Variants in ANKS1B observed in about 807,000 individuals in gnomAD.
ANKS1B encodes the protein ankyrin repeat and sterile alpha motif domain containing 1B.
ANKS1B carries 36 observed loss-of-function variants against 148.3 expected under a neutral mutation model. The observed-to-expected ratio is 0.24, with a 90% confidence interval of 0.19 to 0.32. The LOEUF (loss-of-function observed/expected upper bound fraction) is 0.32. Among genes scored for constraint, ANKS1B ranks in the 10% least tolerant of loss-of-function variants. The pLI is 1.00. For missense variants in ANKS1B, 1,157 were observed against 1,542.6 expected, an observed-to-expected ratio of 0.75 and a Z score of 4.19; for synonymous variants, 542 against 560.8, an observed-to-expected ratio of 0.97 and a Z score of 0.47.
At chr12:98,884,281 C>G (rs986266148) in intron 17 of ANKS1B, among the ~76,000 whole-genome samples, 3 of 152,130 alleles carry the variant, frequency 2.0e-5, no homozygotes, top group African/African-American at 7.2e-5. Context: ...AACCATTAAC[C>G]TGTTATTTTT....
intron 1 of ANKS1B, among the ~76,000 whole-genome samples, chr12:99,973,006 G>GCA (rs1387965425): frequency 1.3e-5 from 2 of 152,166 alleles, no homozygotes; most frequent in African/African-American, 4.8e-5. Flanking sequence ...TCTGTTTGTA[G>GCA]CATGGTTTAC....
chr12:99,366,486 T>C (rs1303380028), intron 12 of ANKS1B, among the ~76,000 whole-genome samples: 5 of 152,100 alleles, frequency 3.3e-5, no homozygotes, highest in African/African-American at 9.7e-5. Context: ...CAGTGTGGTA[T>C]TGGCCCATGA....
At chr12:99,016,526 C>T (rs530380685) in intron 17 of ANKS1B, among the ~76,000 whole-genome samples, 1 of 152,254 alleles carries the variant, frequency 6.6e-6, no homozygotes, top group South Asian at 2.1e-4. Flanking sequence ...CGTGGTGGCA[C>T]ATGCCTGTAA....
intron 8 of ANKS1B, among the ~76,000 whole-genome samples, chr12:99,655,414 G>T (rs2098445334): frequency 6.6e-6 from 1 of 151,966 alleles, no homozygotes; most frequent in Admixed American, 6.6e-5. Flanking sequence ...AACTAGGTGT[G>T]AAAGACTTAT....
intron 12 of ANKS1B, among the ~76,000 whole-genome samples, chr12:99,250,695 A>G (rs2074470954): frequency 1.0e-5 from 1 of 100,060 alleles, no homozygotes; most frequent in African/African-American, 5.7e-5. Context: ...TGATATATGA[A>G]AATATAAACT....
intron 8 of ANKS1B, among the ~76,000 whole-genome samples, chr12:99,665,943 C>T (rs563390504): frequency 1.3e-5 from 2 of 152,104 alleles, no homozygotes; most frequent in South Asian, 4.1e-4. Flanking sequence ...AAGATTTTTG[C>T]TTTTACATTT....
chr12:99,584,678 C>T (rs937548904), intron 9 of ANKS1B, among the ~76,000 whole-genome samples: 1 of 152,142 alleles, frequency 6.6e-6, no homozygotes, highest in Non-Finnish European at 1.5e-5. Flanking sequence ...GTCTAATTGA[C>T]TCACAGTTCC....
intron 10 of ANKS1B, among the ~76,000 whole-genome samples, chr12:99,460,263 C>A (rs904153654): frequency 1.3e-5 from 2 of 152,084 alleles, no homozygotes; most frequent in South Asian, 4.1e-4. Context: ...CAAAAATCAA[C>A]TCAAGATGGA....
intron 17 of ANKS1B, among the ~76,000 whole-genome samples, chr12:98,871,939 G>A (rs930291711): frequency 2.0e-5 from 3 of 152,090 alleles, no homozygotes; most frequent in South Asian, 2.1e-4. Flanking sequence ...AATGAGTGAC[G>A]AGCTCTATAA....
intron 23 of ANKS1B, chr12:98,781,527 T>C: frequency 4.5e-6 from 2 of 448,508 alleles, no homozygotes; most frequent in Non-Finnish European, 8.7e-6. Flanking sequence ...TGAAGAGGTC[T>C]GTCTCCTACT....
intron 14 of ANKS1B, among the ~76,000 whole-genome samples, chr12:99,173,679 T>TA (rs2078049718): frequency 6.6e-6 from 1 of 152,150 alleles, no homozygotes; most frequent in African/African-American, 2.4e-5. Context: ...AGTCTGGGGG[T>TA]AGAAAAAGAG....
intron 12 of ANKS1B, among the ~76,000 whole-genome samples, chr12:99,276,574 A>T (rs1602325700): frequency 6.6e-6 from 1 of 152,154 alleles, no homozygotes; most frequent in Non-Finnish European, 1.5e-5. Context: ...AAAGAAGCCA[A>T]CCCTGCTGCA....
At chr12:99,934,327 T>C (rs923974819) in intron 1 of ANKS1B, among the ~76,000 whole-genome samples, 1 of 152,110 alleles carries the variant, frequency 6.6e-6, no homozygotes, top group South Asian at 2.1e-4. Flanking sequence ...TTTTTCAGAA[T>C]AGTTTGAGTA....
chr12:99,387,710 G>A (rs1187626137), intron 12 of ANKS1B, among the ~76,000 whole-genome samples: 1 of 152,030 alleles, frequency 6.6e-6, no homozygotes, highest in Non-Finnish European at 1.5e-5. Flanking sequence ...GCTCTCACCA[G>A]AACCAAATCT....
At chr12:99,225,481 G>A (rs2085769865) in intron 14 of ANKS1B, among the ~76,000 whole-genome samples, 1 of 152,114 alleles carries the variant, frequency 6.6e-6, no homozygotes, top group Non-Finnish European at 1.5e-5. Flanking sequence ...TTGTTTCTGG[G>A]TGTCTCCGTG....
At chr12:98,897,619 G>A (rs1338707896) in intron 17 of ANKS1B, among the ~76,000 whole-genome samples, 2 of 152,178 alleles carry the variant, frequency 1.3e-5, no homozygotes, top group Non-Finnish European at 2.9e-5. Context: ...CAATTGGTGG[G>A]AATGTAAATT....
intron 1 of ANKS1B, among the ~76,000 whole-genome samples, chr12:99,892,337 C>T (rs564341133): frequency 3.0e-4 from 46 of 152,170 alleles, no homozygotes; most frequent in African/African-American, 1.0e-3. Flanking sequence ...GCTGACACAC[C>T]GAATGCATGC....
intron 12 of ANKS1B, among the ~76,000 whole-genome samples, chr12:99,257,800 A>G (rs2075444283): frequency 6.6e-6 from 1 of 151,992 alleles, no homozygotes; most frequent in Non-Finnish European, 1.5e-5. Flanking sequence ...CAGAGAGAAA[A>G]CCTTGTGCTT....
chr12:99,357,403 T>A (rs2092096517), intron 12 of ANKS1B, among the ~76,000 whole-genome samples: 1 of 152,154 alleles, frequency 6.6e-6, no homozygotes, highest in South Asian at 2.1e-4. Context: ...ATAACCATGC[T>A]CCTGAGTTTA....
Sources: gnomAD v4.1 joint callset for allele counts (sites outside exome capture counted in the v4.1 genomes callset) on GRCh38, gnomAD v4.1.1 for gene constraint, MANE v1.5 for transcripts, NCBI Gene and HGNC (gene_info 2026-07-23, HGNC 2026-07-21) for gene names.